CLIC5: variants seen among roughly 807,000 people sequenced by gnomAD.
The protein encoded by CLIC5 is CLIC family member 5.
CLIC5 carries 20 observed loss-of-function variants against 24.7 expected under a neutral mutation model. That is an observed-to-expected ratio of 0.81 (90% CI 0.57 to 1.18). CLIC5 has a LOEUF of 1.18. Ranked by LOEUF, CLIC5 falls within the 50% of genes most tolerant of loss-of-function variation. The pLI is 0.00. For missense variants in CLIC5, 341 were observed against 326.1 expected (o/e 1.05, Z -0.35); for synonymous variants, 159 against 135.6 (o/e 1.17, Z -1.20).
chr6:45,910,324 A>G (rs1762781518), intron 5 of CLIC5, among the ~76,000 whole-genome samples: 1 of 152,142 alleles, frequency 6.6e-6, no homozygotes, highest in South Asian at 2.1e-4. Context: ...ATAATCCTAT[A>G]AGGAAGAATC....
At chr6:46,099,147 A>T in the CLIC5 span, among the ~76,000 whole-genome samples, 1 of 152,218 alleles carries the variant, frequency 6.6e-6, no homozygotes, top group African/African-American at 2.4e-5. Flanking sequence ...AAACTGAGGG[A>T]AGAAGGTAGA....
the CLIC5 span, chr6:46,123,075 A>T: frequency 6.6e-6 from 1 of 152,256 alleles, no homozygotes; most frequent in Non-Finnish European, 1.5e-5. Flanking sequence ...TCCCTAACTC[A>T]TTTTATGAGG....
chr6:46,060,546 A>G (rs868495822), intron 1 of CLIC5, among the ~76,000 whole-genome samples: 2 of 152,166 alleles, frequency 1.3e-5, no homozygotes, highest in Non-Finnish European at 2.9e-5. Flanking sequence ...ATTGCCCAAG[A>G]TCACAGACTT....
At chr6:45,894,047 A>C (rs892492372), downstream of CLIC5, among the ~76,000 whole-genome samples, 1 of 152,192 alleles carries the variant, frequency 6.6e-6, no homozygotes, top group Non-Finnish European at 1.5e-5. Flanking sequence ...AAACTAGCAC[A>C]CTTGTGTCTA....
intron 4 of CLIC5, among the ~76,000 whole-genome samples, chr6:45,918,317 A>T (rs1763111282): frequency 6.6e-6 from 1 of 152,194 alleles, no homozygotes; most frequent in Admixed American, 6.5e-5. Flanking sequence ...GGAAACAGCA[A>T]TTTGAGCTAA....
At chr6:46,097,406 C>A in the CLIC5 span, 1 of 152,160 alleles carries the variant, frequency 6.6e-6, no homozygotes, top group African/African-American at 2.4e-5. Flanking sequence ...TAGCCCTGAC[C>A]CCAGCTTGGG....
chr6:46,032,783 G>T (rs1767543327), intron 1 of CLIC5, among the ~76,000 whole-genome samples: 1 of 152,052 alleles, frequency 6.6e-6, no homozygotes, highest in Admixed American at 6.6e-5. Flanking sequence ...TACTCGGGCT[G>T]GTCACACCTG....
At chr6:46,112,445 C>T in the CLIC5 span, among the ~76,000 whole-genome samples, 2 of 152,170 alleles carry the variant, frequency 1.3e-5, no homozygotes, top group East Asian at 1.9e-4. Context: ...TGTTTTGCCG[C>T]AATCCAAGTC....
chr6:46,088,278 A>G, the CLIC5 span, among the ~76,000 whole-genome samples: 24,297 of 151,908 alleles, frequency 0.16, 2,171 homozygotes, highest in South Asian at 0.34. Context: ...TAAAGAAAGT[A>G]CTTAAGGCTT....
At chr6:45,996,432 C>G (rs1480913852) in intron 1 of CLIC5, among the ~76,000 whole-genome samples, 1 of 152,126 alleles carries the variant, frequency 6.6e-6, no homozygotes, top group Non-Finnish European at 1.5e-5. Context: ...ATGCCTATGT[C>G]CTGAATGGTA....
At chr6:46,012,058 A>G (rs1936379877) in intron 1 of CLIC5, among the ~76,000 whole-genome samples, 2 of 152,178 alleles carry the variant, frequency 1.3e-5, no homozygotes, top group African/African-American at 4.8e-5. Context: ...CAAATCTACA[A>G]TGACAGTATT....
the CLIC5 span, among the ~76,000 whole-genome samples, chr6:46,086,102 G>A: frequency 2.0e-5 from 3 of 152,218 alleles, no homozygotes; most frequent in Non-Finnish European, 4.4e-5. Flanking sequence ...TTGGAAAAGC[G>A]CAGTATTAGG....
intron 1 of CLIC5, among the ~76,000 whole-genome samples, chr6:46,067,345 C>G (rs1762470997): frequency 1.3e-5 from 2 of 152,060 alleles, no homozygotes; most frequent in African/African-American, 4.8e-5. Flanking sequence ...CCCCCACCGA[C>G]TAGTCTAACA....
chr6:45,980,269 T>C (rs1177721220), intron 1 of CLIC5, among the ~76,000 whole-genome samples: 1 of 152,154 alleles, frequency 6.6e-6, no homozygotes, highest in East Asian at 1.9e-4. Flanking sequence ...TCTGTTTTTA[T>C]GCCAGTACCA....
the CLIC5 span, among the ~76,000 whole-genome samples, chr6:46,113,323 T>G: frequency 6.6e-5 from 10 of 151,312 alleles, no homozygotes; most frequent in Non-Finnish European, 1.3e-4. Flanking sequence ...GAGTAAGAAG[T>G]GGGAAGGAAA....
the CLIC5 span, among the ~76,000 whole-genome samples, chr6:46,108,479 C>A: frequency 6.6e-6 from 1 of 151,764 alleles, no homozygotes; most frequent in Admixed American, 6.6e-5. Flanking sequence ...TCACTGCAAC[C>A]TCCACCTCCT....
intron 1 of CLIC5, among the ~76,000 whole-genome samples, chr6:45,960,630 A>G (rs567958053): frequency 4.6e-5 from 7 of 152,318 alleles, no homozygotes; most frequent in African/African-American, 1.4e-4. Flanking sequence ...CTCTTGACAC[A>G]GAAACCAAAG....
intron 2 of CLIC5, 127 bp downstream of exon 2, chr6:45,955,008 C>T: frequency 1.7e-6 from 1 of 604,074 alleles, no homozygotes. Flanking sequence ...GATCCTGAGA[C>T]ACAGTTCTGG....
In CLIC5 at chr6:45,901,643, TTGA is replaced by T. The variant is rs537619529; in HGVS notation, c.*1442_*1444del. On this transcript the variant is annotated 3_prime_UTR_variant, in exon 6 of 6. Transcript: ENST00000339561. Reference sequence around the variant, plus strand: ...ACCGGGCGTTCACTGGGAGAAGGAGTTGATGAGTGCATTTTTCTTAGTTTCCTC... The same window carrying T: ...ACCGGGCGTTCACTGGGAGAAGGAGTTGAGTGCATTTTTCTTAGTTTCCTC... 105 of 152,162 alleles carry T rather than the reference TTGA, an allele frequency of 6.9e-4. No homozygotes were observed. The highest frequency in any genetic ancestry group is 2.4e-3 in the African/African-American group (101 of 41,432). The allele number at this position is 152,162 out of a possible 1,614,324, so 9.4% of individuals were successfully genotyped here. A position where few individuals can be genotyped will look rare whatever the true frequency, so the allele number is the denominator to read the frequency against.
Sources: gnomAD v4.1 joint callset for allele counts (sites outside exome capture counted in the v4.1 genomes callset) on GRCh38, gnomAD v4.1.1 for gene constraint, MANE v1.5 for transcripts, NCBI Gene and HGNC (gene_info 2026-07-23, HGNC 2026-07-21) for gene names.